PTPRD: variants seen among roughly 807,000 people sequenced by gnomAD.
PTPRD encodes the protein protein tyrosine phosphatase receptor type D.
A neutral mutation model predicts 214.5 loss-of-function variants in PTPRD; 34 were observed. The ratio of observed to expected loss-of-function variants is 0.16; its 90% CI spans 0.12 to 0.21. The LOEUF (loss-of-function observed/expected upper bound fraction) is 0.21, where lower values mean the gene tolerates loss of function less well. Among genes scored for constraint, PTPRD ranks in the 10% least tolerant of loss-of-function variants. PTPRD has a pLI of 1.00. For synonymous variants in PTPRD, 1,128 were observed against 845.7 expected (o/e 1.33, Z -5.79); for missense variants, 2,545 against 2,398.7 (o/e 1.06, Z -1.27).
chr9:8,521,149 A>G (rs2097883822), intron 20 of PTPRD, 128 bp downstream of exon 20: 4 of 1,097,816 alleles, frequency 3.6e-6, no homozygotes, highest in Admixed American at 5.6e-5. Context: ...AGATATGATT[A>G]GGTTATACAC....
intron 2 of PTPRD, among the ~76,000 whole-genome samples, chr9:10,581,929 T>C (rs2071998922): frequency 6.6e-6 from 1 of 152,194 alleles, no homozygotes; most frequent in Admixed American, 6.5e-5. Context: ...TTTTCAATCA[T>C]TATCACAAAT....
chr9:9,961,251 C>G (rs963400818), intron 4 of PTPRD, among the ~76,000 whole-genome samples: 3 of 152,114 alleles, frequency 2.0e-5, no homozygotes, highest in African/African-American at 7.2e-5. Context: ...CTTGCACTCC[C>G]TATCAAAACC....
intron 10 of PTPRD, among the ~76,000 whole-genome samples, chr9:9,072,686 C>G (rs2099745517): frequency 6.6e-6 from 1 of 152,158 alleles, no homozygotes; most frequent in African/African-American, 2.4e-5. Context: ...ATTTGTATTA[C>G]TATGATAATC....
intron 3 of PTPRD, among the ~76,000 whole-genome samples, chr9:10,145,127 G>C (rs2099013512): frequency 6.6e-6 from 1 of 151,966 alleles, no homozygotes; most frequent in Non-Finnish European, 1.5e-5. Flanking sequence ...ATATTAGAAG[G>C]TTTAGATTAC....
At chr9:8,742,963 G>A (rs2092261590) in intron 11 of PTPRD, among the ~76,000 whole-genome samples, 1 of 152,050 alleles carries the variant, frequency 6.6e-6, no homozygotes, top group Non-Finnish European at 1.5e-5. Context: ...AGAGGCCACA[G>A]ATACTGCCAA....
At chr9:10,503,197 A>AAAC (rs1555437039) in intron 2 of PTPRD, among the ~76,000 whole-genome samples, 1 of 132,058 alleles carries the variant, frequency 7.6e-6, no homozygotes, top group Non-Finnish European at 1.6e-5. Context: ...GCAATACAAA[A>AAAC]AAAAAAAAAA....
At chr9:8,889,705 A>G (rs1042138058) in intron 11 of PTPRD, among the ~76,000 whole-genome samples, 5 of 151,866 alleles carry the variant, frequency 3.3e-5, no homozygotes, top group African/African-American at 1.2e-4. Context: ...AAGTGAGAAC[A>G]TAAGATATTT....
intron 44 of PTPRD, among the ~76,000 whole-genome samples, chr9:8,331,003 A>C (rs571004520): frequency 6.6e-6 from 1 of 151,588 alleles, no homozygotes; most frequent in South Asian, 2.1e-4. Flanking sequence ...TTTACTTGCT[A>C]TTTATTTCTA....
At chr9:10,403,339 G>C (rs965930937) in intron 2 of PTPRD, among the ~76,000 whole-genome samples, 1 of 147,144 alleles carries the variant, frequency 6.8e-6, no homozygotes, top group Non-Finnish European at 1.5e-5. Context: ...GAAAATCTAA[G>C]TACACAGAAA....
Position 10,612,781 on chromosome 9 carries a change from C to T in PTPRD, c.-801G>A, listed in dbSNP as rs956191024. The T allele has an allele frequency of 6.6e-6, 1 of 152,328 alleles. No individual in the cohort carries two copies. The highest frequency in any genetic ancestry group is 2.4e-5 in the African/African-American group (1 of 41,432). 9.4% of individuals were successfully genotyped at this position (152,328 alleles called of 1,614,324 possible). A position where few individuals can be genotyped will look rare whatever the true frequency, so the allele number is the denominator to read the frequency against. ...AGAAAGAGCAGCGGGAGGACTCGGG[C>T]TGGGAGGGGAGCGCAGGGTTGGGGA... On this transcript the variant is annotated 5_prime_UTR_variant, in exon 1 of 46. Coordinates refer to ENST00000381196, the MANE Select transcript of PTPRD (RefSeq NM_002839.4).
chr9:9,503,894 G>A (rs927633897), intron 8 of PTPRD, among the ~76,000 whole-genome samples: 1 of 151,722 alleles, frequency 6.6e-6, no homozygotes, highest in Non-Finnish European at 1.5e-5. Flanking sequence ...CTTCTGAGAG[G>A]ACATCTGCTC....
intron 3 of PTPRD, among the ~76,000 whole-genome samples, chr9:10,158,604 C>T (rs1458031240): frequency 6.6e-6 from 1 of 152,064 alleles, no homozygotes; most frequent in East Asian, 1.9e-4. Flanking sequence ...GATTTAAAAC[C>T]AGGGAGGAAA....
At chr9:10,442,449 A>T (rs2098766238) in intron 2 of PTPRD, among the ~76,000 whole-genome samples, 1 of 151,576 alleles carries the variant, frequency 6.6e-6, no homozygotes, top group African/African-American at 2.4e-5. Flanking sequence ...GTTTGATCCG[A>T]TATTGGTTTA....
At chr9:8,649,220 C>T (rs1466219145) in intron 12 of PTPRD, among the ~76,000 whole-genome samples, 1 of 152,184 alleles carries the variant, frequency 6.6e-6, no homozygotes, top group Non-Finnish European at 1.5e-5. Context: ...ACTAGCTTCA[C>T]TTTAGAAACA....
At chr9:10,574,877 A>T (rs557125581) in intron 2 of PTPRD, among the ~76,000 whole-genome samples, 11 of 150,382 alleles carry the variant, frequency 7.3e-5, no homozygotes, top group Non-Finnish European at 1.6e-4. Flanking sequence ...AATTACCTAA[A>T]GAAATTGCCT....
intron 8 of PTPRD, among the ~76,000 whole-genome samples, chr9:9,518,854 A>T (rs1695874266): frequency 6.6e-6 from 1 of 152,022 alleles, no homozygotes. Flanking sequence ...CTTTTATATG[A>T]CGGCTAAAAG....
At chr9:9,758,888 T>C (rs932730) in intron 6 of PTPRD, among the ~76,000 whole-genome samples, 3 of 151,740 alleles carry the variant, frequency 2.0e-5, no homozygotes, top group African/African-American at 7.3e-5. Context: ...TTCTTAATAA[T>C]AAAAATAAGA....
At chr9:10,402,379 C>A (rs2098283189) in intron 2 of PTPRD, among the ~76,000 whole-genome samples, 1 of 151,756 alleles carries the variant, frequency 6.6e-6, no homozygotes, top group South Asian at 2.1e-4. Context: ...CAAATTTAAT[C>A]TGTGATTCTA....
chr9:8,431,508 C>T (rs971387058), intron 35 of PTPRD, among the ~76,000 whole-genome samples: 3 of 152,092 alleles, frequency 2.0e-5, no homozygotes, highest in Non-Finnish European at 2.9e-5. Flanking sequence ...CAGTTGCTTA[C>T]GATCTATCTA....
Sources: gnomAD v4.1 joint callset for allele counts (sites outside exome capture counted in the v4.1 genomes callset) on GRCh38, gnomAD v4.1.1 for gene constraint, MANE v1.5 for transcripts, NCBI Gene and HGNC (gene_info 2026-07-23, HGNC 2026-07-21) for gene names.